The following NEK5 variants were observed in gnomAD, a reference collection of about 807,000 sequenced individuals.
The protein encoded by NEK5 is serine/threonine-protein kinase Nek5.
In NEK5, 88 loss-of-function variants were observed where a neutral mutation model predicts 109.2. The observed-to-expected ratio is 0.81, with a 90% CI of 0.68 to 0.96. The LOEUF is 0.96. Among genes scored for constraint, NEK5 ranks in the 40% least tolerant of loss-of-function variants. The pLI is 0.00. For missense variants in NEK5, 834 were observed against 920.7 expected (o/e 0.91, Z 1.22); for synonymous variants, 283 against 299.9 (o/e 0.94, Z 0.58).
intron 17 of NEK5, chr13:52,082,450 T>C (rs780795813): frequency 3.4e-5 from 19 of 555,300 alleles, no homozygotes; most frequent in Non-Finnish European, 4.7e-5. Context: ...ACATTTTATG[T>C]AATTATTTTA....
chr13:52,126,548 C>T (rs958790889), intron 3 of NEK5, among the ~76,000 whole-genome samples: 3 of 152,094 alleles, frequency 2.0e-5, no homozygotes, highest in African/African-American at 4.8e-5. Context: ...GAGGCCAAGG[C>T]GGGCAGATCA....
At chr13:52,079,742 C>A (rs1250240652) in intron 17 of NEK5, among the ~76,000 whole-genome samples, 1 of 151,940 alleles carries the variant, frequency 6.6e-6, no homozygotes, top group East Asian at 1.9e-4. Flanking sequence ...AAGTGAGGAG[C>A]GTCTCTGCCC....
chr13:52,049,359 G>A (rs1954484302), intron 23 of NEK5, among the ~76,000 whole-genome samples: 1 of 152,218 alleles, frequency 6.6e-6, no homozygotes, highest in Admixed American at 6.5e-5. Flanking sequence ...AGGAATTCGA[G>A]GCTACAGTGA....
At chr13:52,049,686 A>C (rs1429783803) in intron 23 of NEK5, among the ~76,000 whole-genome samples, 5 of 151,870 alleles carry the variant, frequency 3.3e-5, no homozygotes, top group African/African-American at 1.2e-4. Flanking sequence ...AAAAAATTGC[A>C]AAAAAATCTC....
intron 19 of NEK5, among the ~76,000 whole-genome samples, chr13:52,074,847 C>T (rs1198418767): frequency 6.6e-6 from 1 of 152,104 alleles, no homozygotes; most frequent in East Asian, 1.9e-4. Flanking sequence ...AGAAGACATA[C>T]AAGCAGCCAA....
chr13:52,124,535 A>T (rs1425710626), intron 3 of NEK5, among the ~76,000 whole-genome samples: 1 of 152,158 alleles, frequency 6.6e-6, no homozygotes, highest in Non-Finnish European at 1.5e-5. Flanking sequence ...TACTTAACAA[A>T]TTACCTACTG....
chr13:52,072,137 T>C, intron 19 of NEK5, 67 bp from the exon 20 acceptor site: 2 of 1,326,652 alleles, frequency 1.5e-6, no homozygotes, highest in South Asian at 2.6e-5. Flanking sequence ...AACCATATTT[T>C]CGTGTTCCTA....
chr13:52,126,470 A>ATATTTCT (rs1956065303), intron 3 of NEK5, among the ~76,000 whole-genome samples: 1 of 152,240 alleles, frequency 6.6e-6, no homozygotes, highest in African/African-American at 2.4e-5. Flanking sequence ...GCAGAGCATT[A>ATATTTCT]TACATGCTAG....
intron 21 of NEK5, among the ~76,000 whole-genome samples, chr13:52,063,512 G>A (rs1199621831): frequency 6.6e-6 from 1 of 152,078 alleles, no homozygotes; most frequent in Non-Finnish European, 1.5e-5. Context: ...GGGAAGTGAG[G>A]AGCGTCTCTG....
chr13:52,102,224 C>T lies in NEK5; in HGVS notation c.678G>A (p.Pro226=), dbSNP rs756681217. The change falls in exon 10 of 24, where the codon CCG becomes CCA. Residue 226 remains proline, a synonymous_variant. Transcript: ENST00000684899. Reference sequence around the variant, plus strand: ...AGGAATGGAGCTCACGAGAAAACCCCGGAGATATTGGGGCAAAATGTGCTT... The same window carrying T: ...AGGAATGGAGCTCACGAGAAAACCCTGGAGATATTGGGGCAAAATGTGCTT... ...ICQAHFAPIS[P]GFSRELHSLI... The T allele has an allele frequency of 3.1e-6, 5 of 1,614,048 alleles. No individual in the cohort carries two copies. Among genetic ancestry groups the T allele is most frequent in the East Asian group, 2.2e-5 (1 of 44,870 alleles).
intron 17 of NEK5, among the ~76,000 whole-genome samples, chr13:52,081,306 G>A (rs1378389951): frequency 1.3e-5 from 2 of 152,140 alleles, no homozygotes; most frequent in African/African-American, 4.8e-5. Context: ...ACAAAAGTTT[G>A]CAAAGGTATC....
chr13:52,089,309 C>T lies in NEK5; in HGVS notation c.1213G>A (p.Ala405Thr). Reference sequence around the variant, plus strand: ...TCAAATTTTCTCTGAAGGTACTCAGCAGGCCTTAGAAAATAAGAATGTTCA... The same window carrying T: ...TCAAATTTTCTCTGAAGGTACTCAGTAGGCCTTAGAAAATAAGAATGTTCA... Reference protein sequence around the residue: ...RHGPSPSQWPAEYLQRKFEAQ... With the variant: ...RHGPSPSQWPTEYLQRKFEAQ... Residue 405 changes from alanine to threonine, a missense_variant, in exon 14 of 24, where the codon GCT (alanine) becomes ACT (threonine). Ala to Thr is a moderately conservative substitution (Grantham distance 58). Around this residue, in one of 2 missense-constraint regions of NEK5, gnomAD observed 777 missense variants for 824.7 expected, o/e 0.94. Transcript: ENST00000684899. The T allele has an allele frequency of 2.5e-6, 4 of 1,601,416 alleles. No homozygotes were observed. The highest frequency in any genetic ancestry group is 3.4e-6 in the Non-Finnish European group (4 of 1,169,662).
At chr13:52,085,028 G>T (rs551859353) in intron 16 of NEK5, among the ~76,000 whole-genome samples, 2 of 152,214 alleles carry the variant, frequency 1.3e-5, no homozygotes, top group South Asian at 4.2e-4. Context: ...GTAAATAAAA[G>T]AAAGTATGAA....
chr13:52,080,634 G>C (rs1954987655), intron 17 of NEK5, among the ~76,000 whole-genome samples: 2 of 152,056 alleles, frequency 1.3e-5, no homozygotes, highest in African/African-American at 2.4e-5. Context: ...TGTCCACTCA[G>C]GGTTAAATGG....
At chr13:52,108,112 A>C (rs1038819504) in intron 8 of NEK5, among the ~76,000 whole-genome samples, 1 of 152,012 alleles carries the variant, frequency 6.6e-6, no homozygotes, top group African/African-American at 2.4e-5. Context: ...CTTCCTCCCC[A>C]GTTCATCTGC....
rs57148312 is a variant in NEK5, at chr13:52,087,275, C to T, written c.1392+63G>A. 4.8e-3 allele frequency: 3,973 copies of T among 835,168 alleles called. 87 individuals are homozygous for T. In the African/African-American group the frequency reaches 0.058, roughly 12 times the overall value. The allele number at this position is 835,168 out of a possible 1,614,324, so 51.7% of individuals were successfully genotyped here. A position where few individuals can be genotyped will look rare whatever the true frequency, so the allele number is the denominator to read the frequency against. On this transcript the variant is annotated intron_variant, in intron 15 of 23. Coordinates refer to ENST00000684899, the MANE Select transcript of NEK5 (RefSeq NM_001365552.1). ...AGGAAATAGAAGTAACTCCCTATTA[C>T]AGTACAAAAGACAGTAATACAAAGA...
In NEK5 at chr13:52,089,519, A is replaced by C. The variant is rs144633859; in HGVS notation, c.1209-206T>G. Among the ~76,000 whole-genome samples the C allele has an allele frequency of 5.1e-3, 780 of 152,340 alleles. 1 individual carries two copies. Among genetic ancestry groups the C allele is most frequent in the Non-Finnish European group, 9.6e-3 (651 of 68,024 alleles). On this transcript the variant is annotated intron_variant, in intron 13 of 23. Transcript: ENST00000684899. Reference sequence around the variant, plus strand: ...AAAGGAAAAAAGGATGAAGAGTAACAAGTGGGGATACAGGAGAGGATTAAA... The same window carrying C: ...AAAGGAAAAAAGGATGAAGAGTAACCAGTGGGGATACAGGAGAGGATTAAA...
At chr13:52,046,682 G>A (rs570968013) in intron 23 of NEK5, among the ~76,000 whole-genome samples, 9 of 151,364 alleles carry the variant, frequency 5.9e-5, no homozygotes, top group African/African-American at 1.9e-4. Flanking sequence ...AGTGAGGTGC[G>A]ATCATGCCGC....
chr13:52,080,782 A>C (rs1954993204), intron 17 of NEK5, among the ~76,000 whole-genome samples: 1 of 151,982 alleles, frequency 6.6e-6, no homozygotes, highest in South Asian at 2.1e-4. Flanking sequence ...TCTGCCTAGG[A>C]AAACCAGAGA....
Sources: gnomAD v4.1 joint callset for allele counts (sites outside exome capture counted in the v4.1 genomes callset) on GRCh38, gnomAD v4.1.1 for gene constraint, gnomAD v4.1.1 regional missense constraint, MANE v1.5 for transcripts, NCBI Gene and HGNC (gene_info 2026-07-23, HGNC 2026-07-21) for gene names.